Variants in AFAP1L2 observed in about 807,000 individuals in gnomAD.
AFAP1L2 encodes actin filament associated protein 1 like 2, also known as actin filament-associated protein 1-like 2.
In AFAP1L2, 46 loss-of-function variants were observed where a neutral mutation model predicts 99.3. That is an observed-to-expected ratio of 0.46 (90% CI 0.37 to 0.59). The LOEUF (loss-of-function observed/expected upper bound fraction) is 0.59. Ranked by LOEUF, AFAP1L2 falls within the 20% of genes least tolerant of loss-of-function variation. The probability of loss-of-function intolerance (pLI) is 0.00; values close to 1 mark genes in which losing one functional copy is unlikely to be tolerated. For synonymous variants in AFAP1L2, 397 were observed against 419.1 expected, an observed-to-expected ratio of 0.95 and a Z score of 0.64; for missense variants, 959 against 1,034.9, an observed-to-expected ratio of 0.93 and a Z score of 1.01.
At chr10:114,349,377 C>T (rs905817279) in intron 1 of AFAP1L2, among the ~76,000 whole-genome samples, 7 of 105,510 alleles carry the variant, frequency 6.6e-5, no homozygotes, top group Non-Finnish European at 9.3e-5. Flanking sequence ...GAGTGAAACT[C>T]GGTCTCAAAA....
chr10:114,310,959 A>ACCCG (rs10689036), intron 7 of AFAP1L2, among the ~76,000 whole-genome samples: 2,047 of 96,974 alleles, frequency 0.021, 39 homozygotes, highest in African/African-American at 0.076. Context: ...GCCGCCACCC[A>ACCCG]CCCGCCCGCC....
intron 5 of AFAP1L2, among the ~76,000 whole-genome samples, chr10:114,320,181 A>G (rs1420245822): frequency 2.0e-5 from 3 of 152,154 alleles, no homozygotes; most frequent in African/African-American, 7.2e-5. Flanking sequence ...TCAGTGAAGA[A>G]CCTGGTATCT....
rs554914499 is a variant in AFAP1L2 at position 114,333,592 on chromosome 10, C to T, written c.146-297G>A. ...CTGCACTTTGGGAGGCCGAGGCAGG[C>T]GGATCACTTGAGGTCAGGAGTTGGA... On this transcript the variant is annotated intron_variant, in intron 2 of 18. Coordinates refer to ENST00000304129, the MANE Select transcript of AFAP1L2 (RefSeq NM_001001936.3). Among the ~76,000 whole-genome samples, 66 of 152,174 alleles carry T rather than the reference C, an allele frequency of 4.3e-4. No homozygotes were observed. The East Asian group carries it at 4.5e-3, about 10-fold the overall frequency.
At chr10:114,301,288 C>A in intron 13 of AFAP1L2, 66 bp downstream of exon 13, 1 of 1,320,858 alleles carries the variant, frequency 7.6e-7, no homozygotes, top group Non-Finnish European at 1.1e-6. Context: ...CTCTGGCATC[C>A]AGGTGTTGAG....
At chr10:114,322,560 C>A (rs757047323) in intron 5 of AFAP1L2, among the ~76,000 whole-genome samples, 9 of 152,196 alleles carry the variant, frequency 5.9e-5, no homozygotes, top group African/African-American at 1.2e-4. Context: ...ATCAGAGAAG[C>A]CTTCCCTATC....
rs192751362 is a variant in AFAP1L2 at position 114,333,186 on chromosome 10, C to A, written c.220+35G>T. The stretch of plus-strand genomic sequence containing the variant: ...GGACCTTCCCCCATCCCAGGAGTGG[C>A]CATCATACCAGCGTCAGTGATCCCA... On this transcript the variant is annotated intron_variant, in intron 3 of 18. Coordinates refer to ENST00000304129, the MANE Select transcript of AFAP1L2 (RefSeq NM_001001936.3). The A allele has an allele frequency of 4.1e-5, 65 of 1,584,386 alleles. No individual in the cohort carries two copies. The East Asian group carries it at 1.3e-3, about 33-fold the overall frequency.
Position 114,295,981 on chromosome 10 carries a change from C to T in AFAP1L2, c.*61G>A, listed in dbSNP as rs1227143950. 3.7e-6 allele frequency: 6 copies of T among 1,613,198 alleles called. No homozygotes were observed. Among genetic ancestry groups the T allele is most frequent in the Non-Finnish European group, 5.1e-6 (6 of 1,179,596 alleles). ...CCCTTTCGCATAGTTTTTGCTTTAA[C>T]AAAGCAGGATTGTCACCAAGGTCCA... On this transcript the variant is annotated 3_prime_UTR_variant, in exon 19 of 19. Coordinates refer to ENST00000304129, the MANE Select transcript of AFAP1L2 (RefSeq NM_001001936.3).
At chr10:114,393,734 C>T (rs533599866) in intron 1 of AFAP1L2, among the ~76,000 whole-genome samples, 22 of 152,264 alleles carry the variant, frequency 1.4e-4, no homozygotes, top group Admixed American at 2.6e-4. Flanking sequence ...GGGAGCGACA[C>T]CTGGATCCCG....
chr10:114,355,812 A>G (rs527371254), intron 1 of AFAP1L2, among the ~76,000 whole-genome samples: 2 of 152,132 alleles, frequency 1.3e-5, no homozygotes, highest in East Asian at 3.9e-4. Flanking sequence ...TCTCTACAAA[A>G]AATACAAAAA....
upstream of AFAP1L2, chr10:114,404,785 C>T: frequency 3.6e-6 from 1 of 275,174 alleles, no homozygotes; most frequent in Non-Finnish European, 6.7e-6. Flanking sequence ...CCGGGGGCGT[C>T]GAGAGGGAAC....
At chr10:114,358,166 T>C (rs1370678158) in intron 1 of AFAP1L2, among the ~76,000 whole-genome samples, 1 of 152,204 alleles carries the variant, frequency 6.6e-6, no homozygotes, top group East Asian at 1.9e-4. Flanking sequence ...AAAAATTCAA[T>C]GACCTCTAAA....
At chr10:114,310,836 G>T (rs545732651) in intron 7 of AFAP1L2, among the ~76,000 whole-genome samples, 2 of 152,336 alleles carry the variant, frequency 1.3e-5, no homozygotes, top group South Asian at 4.1e-4. Context: ...TTGCTAGACA[G>T]TCCTCTGGCT....
chr10:114,347,363 G>A (rs566115538), intron 1 of AFAP1L2, among the ~76,000 whole-genome samples: 3 of 152,336 alleles, frequency 2.0e-5, no homozygotes, highest in South Asian at 2.1e-4. Context: ...TGACCTCAGA[G>A]CAAATGCCCC....
At chr10:114,317,955 C>T (rs1449191097) in intron 5 of AFAP1L2, among the ~76,000 whole-genome samples, 1 of 152,156 alleles carries the variant, frequency 6.6e-6, no homozygotes, top group African/African-American at 2.4e-5. Flanking sequence ...GTAAGTAAAG[C>T]ATGATTTTAC....
chr10:114,319,370 T>C (rs1158215391), intron 5 of AFAP1L2, among the ~76,000 whole-genome samples: 2 of 100,310 alleles, frequency 2.0e-5, no homozygotes, highest in Non-Finnish European at 4.0e-5. Flanking sequence ...TGATACCACA[T>C]GGGTGGGGGG....
intron 3 of AFAP1L2, among the ~76,000 whole-genome samples, chr10:114,332,920 C>T (rs1179856296): frequency 3.9e-5 from 6 of 152,256 alleles, no homozygotes; most frequent in African/African-American, 9.6e-5. Context: ...GCACCACACA[C>T]AGCTGCTTTC....
chr10:114,331,682 T>C (rs573381911), intron 4 of AFAP1L2, 121 bp downstream of exon 4: 458 of 667,348 alleles, frequency 6.9e-4, no homozygotes, highest in Non-Finnish European at 8.7e-4. Flanking sequence ...CTTGTCCCAG[T>C]CCCTGAACAC....
At chr10:114,291,365 C>A, downstream of AFAP1L2, 1 of 1,155,144 alleles carries the variant, frequency 8.7e-7, no homozygotes. Context: ...ATGTCTGCTT[C>A]CCGCCGTGGC....
Position 114,295,294 on chromosome 10 carries a change from TCTAAATGA to T in AFAP1L2, c.*740_*747del. ...AATCTCAAAAGATACTTTTCACTGTTCTAAATGACAGGATTTTAAGCATTTTTTCCTAT... is the reference window on the plus strand; with the variant it reads ...AATCTCAAAAGATACTTTTCACTGTTCAGGATTTTAAGCATTTTTTCCTAT... On this transcript the variant is annotated 3_prime_UTR_variant, in exon 19 of 19. Transcript: ENST00000304129. 1.0e-6 allele frequency: 1 copy of T among 984,896 alleles called. No individual in the cohort carries two copies. The highest frequency in any genetic ancestry group is 1.2e-6 in the Non-Finnish European group (1 of 829,024). The allele number at this position is 984,896 out of a possible 1,614,324, so 61.0% of individuals were successfully genotyped here.
Sources: allele counts gnomAD v4.1 joint callset (sites outside exome capture counted in the v4.1 genomes callset), GRCh38; gene constraint gnomAD v4.1.1; transcripts MANE v1.5; gene names NCBI Gene and HGNC (gene_info 2026-07-23, HGNC 2026-07-21).